Variants in SENP7 observed in about 807,000 individuals in gnomAD.
The protein encoded by SENP7 is sentrin-specific protease 7.
A neutral mutation model predicts 141.2 loss-of-function variants in SENP7; 64 were observed. The observed-to-expected ratio is 0.45, with a 90% CI of 0.37 to 0.56. The LOEUF is 0.56. SENP7 is among the 20% of genes least tolerant of loss of function. The probability of loss-of-function intolerance (pLI) is 0.00; values close to 1 mark genes in which losing one functional copy is unlikely to be tolerated. For missense variants in SENP7, 1,025 were observed against 1,212.2 expected (o/e 0.85, Z 2.29); for synonymous variants, 382 against 426.4 (o/e 0.90, Z 1.28).
At chr3:101,501,941 T>A (rs747799233) in intron 1 of SENP7, among the ~76,000 whole-genome samples, 1 of 152,186 alleles carries the variant, frequency 6.6e-6, no homozygotes, top group Admixed American at 6.5e-5. Flanking sequence ...AATGGGGGAA[T>A]AACACCCTTG....
chr3:101,376,865 G>A (rs2060350929), intron 6 of SENP7, among the ~76,000 whole-genome samples: 1 of 151,950 alleles, frequency 6.6e-6, no homozygotes, highest in African/African-American at 2.4e-5. Flanking sequence ...CAGTTGTAGT[G>A]GACTAACTGG....
chr3:101,402,822 AC>A (rs2061189994), intron 5 of SENP7, among the ~76,000 whole-genome samples: 1 of 152,136 alleles, frequency 6.6e-6, no homozygotes, highest in African/African-American at 2.4e-5. Flanking sequence ...GCACCTAGTC[AC>A]CCAAGAGCTC....
intron 8 of SENP7, 55 bp downstream of exon 8, chr3:101,367,775 C>T (rs1008413206): frequency 1.7e-6 from 2 of 1,159,022 alleles, no homozygotes; most frequent in African/African-American, 1.6e-5. Flanking sequence ...ACAGTCAACT[C>T]GTTTTTATCA....
intron 4 of SENP7, among the ~76,000 whole-genome samples, chr3:101,431,508 C>CTTT (rs56937965): frequency 3.9e-3 from 325 of 82,794 alleles, no homozygotes; most frequent in Middle Eastern, 9.3e-3. Context: ...GCAACCCCTG[C>CTTT]TTTTTTTTTT....
intron 1 of SENP7, among the ~76,000 whole-genome samples, chr3:101,505,737 C>G (rs893852280): frequency 6.6e-6 from 1 of 152,102 alleles, no homozygotes; most frequent in East Asian, 1.9e-4. Flanking sequence ...TTCTCTGAGT[C>G]TCAGTTTCTC....
At chr3:101,328,144 T>C (rs1262409484) in intron 22 of SENP7, among the ~76,000 whole-genome samples, 1 of 152,166 alleles carries the variant, frequency 6.6e-6, no homozygotes, top group African/African-American at 2.4e-5. Context: ...TACACATACA[T>C]ACATATACAT....
At chr3:101,441,807 C>T (rs1475696126) in intron 4 of SENP7, among the ~76,000 whole-genome samples, 1 of 152,160 alleles carries the variant, frequency 6.6e-6, no homozygotes, top group Non-Finnish European at 1.5e-5. Context: ...GACTATTGTA[C>T]CTGTCCCCAG....
chr3:101,486,053 T>G (rs2064713674), intron 3 of SENP7, among the ~76,000 whole-genome samples: 1 of 151,820 alleles, frequency 6.6e-6, no homozygotes, highest in Non-Finnish European at 1.5e-5. Context: ...ATTAACCCAA[T>G]CCAACAAAGA....
At chr3:101,483,562 C>T (rs949180454) in intron 3 of SENP7, among the ~76,000 whole-genome samples, 7 of 152,212 alleles carry the variant, frequency 4.6e-5, no homozygotes, top group Non-Finnish European at 1.0e-4. Context: ...TAAACCTCAG[C>T]ATCAAGCAGT....
intron 5 of SENP7, among the ~76,000 whole-genome samples, chr3:101,410,845 AAAAAT>A (rs139753697): frequency 7.3e-4 from 92 of 126,192 alleles, no homozygotes; most frequent in East Asian, 3.1e-3. Flanking sequence ...ATTCTGTCTC[AAAAAT>A]AAAATAAAAT....
At chr3:101,432,549 T>C (rs1576333172) in intron 4 of SENP7, among the ~76,000 whole-genome samples, 1 of 152,060 alleles carries the variant, frequency 6.6e-6, no homozygotes, top group South Asian at 2.1e-4. Flanking sequence ...GCCACAGGGG[T>C]GCTTGAGTCA....
chr3:101,475,875 G>A (rs2064194406), intron 3 of SENP7, among the ~76,000 whole-genome samples: 1 of 152,088 alleles, frequency 6.6e-6, no homozygotes, highest in African/African-American at 2.4e-5. Flanking sequence ...GAGAACTAAA[G>A]AGAGAGATAA....
At chr3:101,493,826 T>C (rs1260184343) in intron 3 of SENP7, 47 bp downstream of exon 3, 1 of 1,118,504 alleles carries the variant, frequency 8.9e-7, no homozygotes, top group African/African-American at 1.6e-5. Context: ...ATTTTAAACA[T>C]ACCAAATAAA....
At chr3:101,499,242 T>G (rs1029730246) in intron 2 of SENP7, among the ~76,000 whole-genome samples, 1 of 152,276 alleles carries the variant, frequency 6.6e-6, no homozygotes, top group Non-Finnish European at 1.5e-5. Flanking sequence ...ATTAATTGCA[T>G]GAATAATGCA....
At chr3:101,365,289 C>T (rs1369643532) in intron 9 of SENP7, among the ~76,000 whole-genome samples, 1 of 151,362 alleles carries the variant, frequency 6.6e-6, no homozygotes, top group Non-Finnish European at 1.5e-5. Flanking sequence ...AGGTGTGGGT[C>T]ACTGCACCCA....
chr3:101,368,134 G>T lies in SENP7; in HGVS notation c.797-123C>A, dbSNP rs548839594. 5 of 688,750 alleles carry T rather than the reference G, an allele frequency of 7.3e-6. No individual in the cohort carries two copies. In the South Asian group the frequency reaches 8.3e-5, roughly 11 times the overall value. The allele number at this position is 688,750 out of a possible 1,614,324, so 42.7% of individuals were successfully genotyped here. On this transcript the variant is annotated intron_variant, in intron 7 of 23. Transcript: ENST00000394095. ...TTCCAAAGCTCATTAAAACAGAAAT[G>T]TACTGTTAAATTCTCATACTGACAC...
intron 4 of SENP7, among the ~76,000 whole-genome samples, chr3:101,443,548 T>C (rs985664196): frequency 1.3e-5 from 2 of 151,768 alleles, no homozygotes; most frequent in East Asian, 1.9e-4. Flanking sequence ...GGCGGTATGG[T>C]CATTTTCACG....
chr3:101,451,646 C>A lies in SENP7; in HGVS notation c.284+7309G>T, dbSNP rs2063140322. Among the ~76,000 whole-genome samples, 6 of 152,130 alleles carry A rather than the reference C, an allele frequency of 3.9e-5. No individual in the cohort carries two copies. In the South Asian group the frequency reaches 1.2e-3, roughly 32 times the overall value. On this transcript the variant is annotated intron_variant, in intron 4 of 23. Coordinates refer to ENST00000394095, the MANE Select transcript of SENP7 (RefSeq NM_020654.5). ...TTATCTCAACAGATGCAGAAAAGGCCTTTGACAAAATTAAAAACCTTCATG... is the reference window on the plus strand; with the variant it reads ...TTATCTCAACAGATGCAGAAAAGGCATTTGACAAAATTAAAAACCTTCATG...
rs576633083 is a variant in SENP7, at chr3:101,405,889, G to C, written c.483-6834C>G. ...CAATCCAACAAAGACAAAGAAAAAA[G>C]AATAAGAAAATATGAACAAAGCCTC... On this transcript the variant is annotated intron_variant, in intron 5 of 23. Transcript: ENST00000394095. Among the ~76,000 whole-genome samples the C allele has an allele frequency of 1.4e-4, 21 of 152,148 alleles. No individual in the cohort carries two copies. The South Asian group carries it at 3.5e-3, about 26-fold the overall frequency.
Sources: gnomAD v4.1 joint callset for allele counts (sites outside exome capture counted in the v4.1 genomes callset) on GRCh38, gnomAD v4.1.1 for gene constraint, MANE v1.5 for transcripts, NCBI Gene and HGNC (gene_info 2026-07-23, HGNC 2026-07-21) for gene names.